The following CDH4 variants were observed in gnomAD, a reference collection of about 807,000 sequenced individuals.
CDH4 encodes cadherin-4.
In CDH4, 33 loss-of-function variants were observed where a neutral mutation model predicts 86.0. The observed-to-expected ratio is 0.38, with a 90% CI of 0.29 to 0.51. CDH4 has a LOEUF of 0.51. Ranked by LOEUF, CDH4 falls within the 20% of genes least tolerant of loss-of-function variation. The probability of loss-of-function intolerance (pLI) is 0.86; values close to 1 mark genes in which losing one functional copy is unlikely to be tolerated. For synonymous variants in CDH4, 555 were observed against 549.4 expected (o/e 1.01, Z -0.14); for missense variants, 1,114 against 1,307.4 (o/e 0.85, Z 2.28).
intron 2 of CDH4, among the ~76,000 whole-genome samples, chr20:61,573,106 G>A (rs541679329): frequency 6.6e-6 from 1 of 152,204 alleles, no homozygotes; most frequent in East Asian, 1.9e-4. Context: ...GGATGGATGG[G>A]GTGGCATGTG....
At chr20:61,878,030 C>T (rs918238931) in intron 7 of CDH4, among the ~76,000 whole-genome samples, 27 of 152,158 alleles carry the variant, frequency 1.8e-4, no homozygotes, top group Admixed American at 3.9e-4. Context: ...TGGACACAGA[C>T]GGGCGTGGTC....
At position 61,393,342 on chromosome 20, in the gene CDH4, C is replaced by CGG. The variant is rs11480125; in HGVS notation, c.169+138412_169+138413dup. ...TTCCAGTGGTGTGGGGGACAGCAGC[C>CGG]GGGGGGGGCCGGGGTCTTCCTTACC... On this transcript the variant is annotated intron_variant, in intron 2 of 15. Transcript: ENST00000614565. This position sits in a 1 kb window ranked among gnomAD's most constrained non-coding sequence, Gnocchi z 4.3. Among the ~76,000 whole-genome samples the CGG allele has an allele frequency of 1.3e-4, 19 of 151,354 alleles. No homozygotes were observed. Among genetic ancestry groups the CGG allele is most frequent in the East Asian group, 5.9e-4 (3 of 5,096 alleles).
At chr20:61,546,621 C>T (rs887731019) in intron 2 of CDH4, among the ~76,000 whole-genome samples, 1 of 151,728 alleles carries the variant, frequency 6.6e-6, no homozygotes. Context: ...CTACAATAGA[C>T]AAGCAGATAT....
chr20:61,652,938 A>ATTTAT (rs1555819716), intron 2 of CDH4, among the ~76,000 whole-genome samples: 4 of 97,424 alleles, frequency 4.1e-5, no homozygotes, highest in African/African-American at 1.3e-4. Context: ...TTATTTATTT[A>ATTTAT]TTTTTTTTTT....
At chr20:61,498,781 T>G (rs959856570) in intron 2 of CDH4, among the ~76,000 whole-genome samples, 2 of 152,150 alleles carry the variant, frequency 1.3e-5, no homozygotes, top group Non-Finnish European at 2.9e-5. Flanking sequence ...AAAAATCTCA[T>G]AACGTTTTAA....
At chr20:61,846,205 G>GCTGCCTCCTGGGAAGGCTCACGC (rs1461943278) in intron 5 of CDH4, among the ~76,000 whole-genome samples, 3 of 152,254 alleles carry the variant, frequency 2.0e-5, no homozygotes, top group African/African-American at 7.2e-5. Context: ...GTCCCTCACG[G>GCTGCCTCCTGGGAAGGCTCACGC]CTGCCTCCTG....
At chr20:61,408,787 C>T (rs553604436) in intron 2 of CDH4, among the ~76,000 whole-genome samples, 2 of 152,252 alleles carry the variant, frequency 1.3e-5, no homozygotes, top group South Asian at 2.1e-4. Context: ...GGGCCCATGA[C>T]AGCATAGTGA....
intron 2 of CDH4, among the ~76,000 whole-genome samples, chr20:61,427,490 C>G (rs915068507): frequency 3.0e-5 from 4 of 131,618 alleles, no homozygotes; most frequent in African/African-American, 1.3e-4. Flanking sequence ...TGTTTCCCAA[C>G]TGAGAGGCTT....
intron 2 of CDH4, among the ~76,000 whole-genome samples, chr20:61,282,898 T>C (rs1382393849): frequency 6.1e-4 from 90 of 147,072 alleles, no homozygotes; most frequent in South Asian, 1.1e-3. Context: ...TTTGCACGCG[T>C]GTGCTGTGGC....
chr20:61,787,312 T>C (rs1978936173), intron 4 of CDH4, among the ~76,000 whole-genome samples: 3 of 152,172 alleles, frequency 2.0e-5, no homozygotes, highest in Non-Finnish European at 4.4e-5. Flanking sequence ...TGGGGAGGCC[T>C]CAGGAAACTT....
At chr20:61,606,641 G>T (rs1209488459) in intron 2 of CDH4, among the ~76,000 whole-genome samples, 1 of 152,240 alleles carries the variant, frequency 6.6e-6, no homozygotes, top group African/African-American at 2.4e-5. Flanking sequence ...GGCCTCAGTG[G>T]CCTGTCCTGG....
chr20:61,403,642 G>C (rs564851563), intron 2 of CDH4, among the ~76,000 whole-genome samples: 1 of 152,254 alleles, frequency 6.6e-6, no homozygotes, highest in Non-Finnish European at 1.5e-5. Flanking sequence ...TCAGGCATGC[G>C]GCATTATTCT....
At chr20:61,277,171 A>C (rs1336093936) in intron 2 of CDH4, among the ~76,000 whole-genome samples, 1 of 152,130 alleles carries the variant, frequency 6.6e-6, no homozygotes, top group Non-Finnish European at 1.5e-5. Flanking sequence ...CCCCTGTGGG[A>C]ATCTTCCAGG....
chr20:61,375,243 G>A (rs2084860477), intron 2 of CDH4, among the ~76,000 whole-genome samples: 1 of 152,206 alleles, frequency 6.6e-6, no homozygotes, highest in Admixed American at 6.5e-5. Flanking sequence ...ACATAGGAGT[G>A]ATGCTTAGAA....
At chr20:61,553,785 C>G (rs2086153311) in intron 2 of CDH4, among the ~76,000 whole-genome samples, 1 of 152,194 alleles carries the variant, frequency 6.6e-6, no homozygotes, top group Non-Finnish European at 1.5e-5. Flanking sequence ...ATCCCCTGTC[C>G]CATGAGGTTC....
intron 2 of CDH4, among the ~76,000 whole-genome samples, chr20:61,701,738 A>G (rs1051152173): frequency 6.6e-6 from 1 of 152,258 alleles, no homozygotes; most frequent in African/African-American, 2.4e-5. Context: ...GGTTCGGCTC[A>G]CGCGGGGATC....
intron 6 of CDH4, among the ~76,000 whole-genome samples, chr20:61,856,228 T>A (rs997614712): frequency 6.6e-6 from 1 of 152,238 alleles, no homozygotes; most frequent in African/African-American, 2.4e-5. Context: ...GGGTTTCAGA[T>A]GCGTGTTCTA....
intron 2 of CDH4, chr20:61,435,901 G>A (rs972695917): frequency 7.2e-5 from 11 of 152,292 alleles, no homozygotes; most frequent in Non-Finnish European, 1.5e-4. Flanking sequence ...GGGGCTCCAG[G>A]ACTCTGGCCA....
At chr20:61,789,833 A>G (rs1277927800) in intron 4 of CDH4, among the ~76,000 whole-genome samples, 1 of 152,252 alleles carries the variant, frequency 6.6e-6, no homozygotes, top group Non-Finnish European at 1.5e-5. Context: ...GGGACAGCCC[A>G]GGCCTGAAGA....
Sources: allele counts gnomAD v4.1 joint callset (sites outside exome capture counted in the v4.1 genomes callset), GRCh38; gene constraint gnomAD v4.1.1; non-coding constraint Gnocchi (gnomAD v3.1); transcripts MANE v1.5; gene names NCBI Gene and HGNC (gene_info 2026-07-23, HGNC 2026-07-21).